Variants in ERICH6B observed in about 807,000 individuals in gnomAD.
The protein encoded by ERICH6B is glutamate-rich protein 6B.
Under a neutral mutation model 80.0 loss-of-function variants are expected in ERICH6B, and 69 were observed. The observed-to-expected ratio is 0.86, with a 90% CI of 0.71 to 1.05. ERICH6B has a LOEUF of 1.05. Ranked by LOEUF, ERICH6B falls within the 50% of genes least tolerant of loss-of-function variation. The pLI is 0.00. For missense variants in ERICH6B, 754 were observed against 796.1 expected, an observed-to-expected ratio of 0.95 and a Z score of 0.64; for synonymous variants, 283 against 291.9, an observed-to-expected ratio of 0.97 and a Z score of 0.31.
At chr13:45,562,784 G>A (rs149423798) in intron 10 of ERICH6B, among the ~76,000 whole-genome samples, 35 of 152,334 alleles carry the variant, frequency 2.3e-4, no homozygotes, top group African/African-American at 8.4e-4. Context: ...AGGCTGGAGT[G>A]GGGATGGGTT....
In ERICH6B at chr13:45,613,543, C is replaced by T. The variant is rs79370896; in HGVS notation, c.-111+2142G>A. Among the ~76,000 whole-genome samples, 121 of 152,272 alleles carry T rather than the reference C, an allele frequency of 7.9e-4. No homozygotes were observed. The East Asian group carries it at 9.1e-3, about 11-fold the overall frequency. ...CATGCTCCAAAAGCATTACTTGAAG[C>T]GGTGAACTAACATAAAGCTGAAGTT... On this transcript the variant is annotated intron_variant, in intron 1 of 14. Transcript: ENST00000298738.
At chr13:45,605,987 A>T (rs2138034735) in intron 2 of ERICH6B, among the ~76,000 whole-genome samples, 1 of 152,354 alleles carries the variant, frequency 6.6e-6, no homozygotes, top group Non-Finnish European at 1.5e-5. Flanking sequence ...TTGATATTCA[A>T]TGTCTGTCTC....
intron 6 of ERICH6B, 86 bp downstream of exon 6, chr13:45,580,517 G>T: frequency 1.4e-6 from 2 of 1,385,136 alleles, no homozygotes; most frequent in Non-Finnish European, 1.0e-6. Flanking sequence ...CTCCTTGGCT[G>T]GGGGCAGGCT....
intron 8 of ERICH6B, among the ~76,000 whole-genome samples, chr13:45,571,273 A>G (rs1001134272): frequency 6.6e-6 from 1 of 152,046 alleles, no homozygotes. Flanking sequence ...TATCATGACT[A>G]GTTTTCGTAA....
chr13:45,547,144 T>TA (rs1874026032), intron 13 of ERICH6B, among the ~76,000 whole-genome samples: 1 of 152,326 alleles, frequency 6.6e-6, no homozygotes, highest in Admixed American at 6.5e-5. Context: ...TCCTCAACTG[T>TA]AAAAAGCAGA....
intron 8 of ERICH6B, among the ~76,000 whole-genome samples, chr13:45,571,577 C>T (rs1480933478): frequency 6.6e-6 from 1 of 152,190 alleles, no homozygotes; most frequent in Admixed American, 6.5e-5. Flanking sequence ...CAACTGTTTG[C>T]TAAGGATTCT....
Position 45,544,967 on chromosome 13 carries a change from G to A in ERICH6B, c.1665C>T (p.Asn555=). The A allele has an allele frequency of 1.3e-6, 2 of 1,550,894 alleles. No individual in the cohort carries two copies. Among genetic ancestry groups the A allele is most frequent in the Non-Finnish European group, 1.7e-6 (2 of 1,147,000 alleles). The change falls in exon 14 of 15, where the codon AAC becomes AAT. Residue 555 remains asparagine (N), a synonymous_variant. Transcript: ENST00000298738. The part of the protein sequence containing the change: ...NSDIWLNLSS[N]LGYYFPKDKR... ...TGTCTTTGGGGAAGTAGTAGCCCAG[G>A]TTGGAGCTCAGGTTCAACCTGGACC...
At chr13:45,552,817 A>G (rs1420757088) in intron 11 of ERICH6B, 4 of 158,810 alleles carry the variant, frequency 2.5e-5, no homozygotes, top group Non-Finnish European at 5.6e-5. Flanking sequence ...ATTCTGTTGG[A>G]TGAGTCCTCG....
At chr13:45,577,844 C>T (rs1247083495) in intron 7 of ERICH6B, among the ~76,000 whole-genome samples, 2 of 152,186 alleles carry the variant, frequency 1.3e-5, no homozygotes, top group Non-Finnish European at 1.5e-5. Context: ...CCTCCCTTCT[C>T]GGCCTCCCAA....
At chr13:45,546,457 C>G (rs1873994293) in intron 13 of ERICH6B, among the ~76,000 whole-genome samples, 1 of 152,208 alleles carries the variant, frequency 6.6e-6, no homozygotes, top group Non-Finnish European at 1.5e-5. Context: ...TACATTTTAT[C>G]TAGAAATATC....
chr13:45,574,525 G>A (rs1875299542), intron 8 of ERICH6B, among the ~76,000 whole-genome samples: 1 of 152,168 alleles, frequency 6.6e-6, no homozygotes, highest in Admixed American at 6.5e-5. Flanking sequence ...CAGGCCTGCA[G>A]AGATGGGAGA....
Position 45,591,198 on chromosome 13 carries a change from C to T in ERICH6B, c.638-501G>A, listed in dbSNP as rs186835191. ...GGCAACAGGGGAAGCAGTAGAGAAA[C>T]GAGAACCAGAACATTTGAATTGGAA... On this transcript the variant is annotated intron_variant, in intron 3 of 14. Coordinates refer to ENST00000298738, the MANE Select transcript of ERICH6B (RefSeq NM_182542.3). 1.0e-3 allele frequency among the ~76,000 whole-genome samples: 156 copies of T among 152,252 alleles called. 1 individual carries two copies. The highest frequency in any genetic ancestry group is 2.9e-3 in the African/African-American group (119 of 41,532).
chr13:45,605,187 A>G (rs901136490), intron 2 of ERICH6B, among the ~76,000 whole-genome samples: 1 of 152,098 alleles, frequency 6.6e-6, no homozygotes, highest in South Asian at 2.1e-4. Flanking sequence ...GGGTGGTCAG[A>G]GAGGTGCAGT....
At chr13:45,583,928 T>C (rs1268343730) in intron 5 of ERICH6B, among the ~76,000 whole-genome samples, 1 of 152,206 alleles carries the variant, frequency 6.6e-6, no homozygotes, top group East Asian at 1.9e-4. Flanking sequence ...GACCTCTCCT[T>C]ACACCTCTGC....
chr13:45,595,077 G>T (rs1372695876), intron 3 of ERICH6B, among the ~76,000 whole-genome samples: 1 of 152,198 alleles, frequency 6.6e-6, no homozygotes, highest in Non-Finnish European at 1.5e-5. Context: ...TCACTCCAAA[G>T]TCAAATACTT....
chr13:45,541,597 C>T lies in ERICH6B; in HGVS notation c.1956G>A (p.Arg652=). The T allele has an allele frequency of 1.9e-6, 3 of 1,551,732 alleles. No homozygotes were observed. The highest frequency in any genetic ancestry group is 2.6e-6 in the Non-Finnish European group (3 of 1,147,028). ...AEPGPTAQKI[R]VLLGKMNRLL... is the part of the protein sequence containing the mutation. ...GCCTATTCATTTTCCCCAGAAGGAC[C>T]CGGATCTTCTGGGCTGTTGGGCCGG... Residue 652 remains arginine, a synonymous_variant, in exon 15 of 15, where the codon CGG becomes CGA. Coordinates refer to ENST00000298738, the MANE Select transcript of ERICH6B (RefSeq NM_182542.3).
chr13:45,586,746 G>A (rs1875920049), intron 5 of ERICH6B, among the ~76,000 whole-genome samples: 1 of 152,154 alleles, frequency 6.6e-6, no homozygotes, highest in Non-Finnish European at 1.5e-5. Flanking sequence ...TTGTGCCTGT[G>A]TTCATGTAGA....
At chr13:45,545,301 G>A (rs57100027) in intron 13 of ERICH6B, among the ~76,000 whole-genome samples, 1 of 152,170 alleles carries the variant, frequency 6.6e-6, no homozygotes, top group Non-Finnish European at 1.5e-5. Flanking sequence ...CATGGCTGGT[G>A]TCTACTTATC....
At chr13:45,612,792 C>G (rs1351920686) in intron 1 of ERICH6B, among the ~76,000 whole-genome samples, 1 of 152,136 alleles carries the variant, frequency 6.6e-6, no homozygotes, top group South Asian at 2.1e-4. Flanking sequence ...AATGGGGGAT[C>G]AGGGAGGCAT....
Sources: gnomAD v4.1 joint callset for allele counts (sites outside exome capture counted in the v4.1 genomes callset) on GRCh38, gnomAD v4.1.1 for gene constraint, MANE v1.5 for transcripts, NCBI Gene and HGNC (gene_info 2026-07-23, HGNC 2026-07-21) for gene names.